The following EPHA7 variants were observed in gnomAD, a reference collection of about 807,000 sequenced individuals.
The protein encoded by EPHA7 is EPH receptor A7.
EPHA7 carries 25 observed loss-of-function variants against 112.6 expected under a neutral mutation model. The ratio of observed to expected loss-of-function variants is 0.22; its 90% CI spans 0.16 to 0.31. The LOEUF (loss-of-function observed/expected upper bound fraction) is 0.31, where lower values mean the gene tolerates loss of function less well. Among genes scored for constraint, EPHA7 ranks in the 10% least tolerant of loss-of-function variants. The pLI, the probability that EPHA7 is intolerant of heterozygous loss-of-function variation, is 1.00. For synonymous variants in EPHA7, 437 were observed against 406.5 expected (o/e 1.07, Z -0.90); for missense variants, 962 against 1,212.6 (o/e 0.79, Z 3.07).
intron 3 of EPHA7, chr6:93,409,772 C>T (rs772160385): frequency 7.3e-5 from 11 of 151,282 alleles, no homozygotes; most frequent in African/African-American, 1.9e-4. Flanking sequence ...AGAAAAAAAA[C>T]GGTTTTATAA....
Position 93,242,380 on chromosome 6 carries a change from C to T in EPHA7, c.*1046G>A, listed in dbSNP as rs950883523. The T allele has an allele frequency of 1.5e-5, 3 of 197,258 alleles. No homozygotes were observed. The allele number at this position is 197,258 out of a possible 1,614,324, so 12.2% of individuals were successfully genotyped here. On this transcript the variant is annotated 3_prime_UTR_variant, in exon 17 of 17. Coordinates refer to ENST00000369303, the MANE Select transcript of EPHA7 (RefSeq NM_004440.4). ...AGTTATAATATAAAACAATTATTTC[C>T]TTTCATGTTTGGACTGCATTCAACA...
intron 3 of EPHA7, among the ~76,000 whole-genome samples, chr6:93,408,691 C>T (rs1454114237): frequency 6.6e-6 from 1 of 152,018 alleles, no homozygotes; most frequent in Non-Finnish European, 1.5e-5. Flanking sequence ...GAGTGCAGAG[C>T]CATAGGTACT....
intron 3 of EPHA7, among the ~76,000 whole-genome samples, chr6:93,408,128 C>A (rs1377599373): frequency 6.6e-6 from 1 of 151,944 alleles, no homozygotes; most frequent in Non-Finnish European, 1.5e-5. Flanking sequence ...TATTTCCTAT[C>A]TTTTCTCAGA....
At chr6:93,320,717 T>C (rs1774027185) in intron 5 of EPHA7, among the ~76,000 whole-genome samples, 1 of 151,966 alleles carries the variant, frequency 6.6e-6, no homozygotes, top group African/African-American at 2.4e-5. Flanking sequence ...TGAAATTTCA[T>C]AAGCATTCAT....
chr6:93,419,154 C>G (rs1356421651), intron 1 of EPHA7, 91 bp downstream of exon 1: 1 of 1,070,662 alleles, frequency 9.3e-7, no homozygotes, highest in Admixed American at 3.6e-5. Context: ...GCGCCGGAGG[C>G]GCGGCCGGCA....
chr6:93,358,459 T>A, intron 3 of EPHA7, 48 bp from the exon 4 acceptor site: 1 of 1,488,958 alleles, frequency 6.7e-7, no homozygotes, highest in Non-Finnish European at 9.0e-7. Flanking sequence ...AGCAAATCGA[T>A]CTTTAAAAAA....
At chr6:93,306,874 TAGA>T (rs963638111) in intron 5 of EPHA7, among the ~76,000 whole-genome samples, 34 of 151,934 alleles carry the variant, frequency 2.2e-4, no homozygotes, top group African/African-American at 8.0e-4. Context: ...CAATTCCCTC[TAGA>T]AGGAGAAAAA....
At position 93,269,481 on chromosome 6, in the gene EPHA7, A is replaced by C. The variant is rs1355331916; in HGVS notation, c.1629T>G (p.Phe543Leu). 1 of 1,610,170 alleles carries C rather than the reference A, an allele frequency of 6.2e-7. No homozygotes were observed. ...CCAAACCAAAGGCATAATTACCTTCAAACATTTTACCTGTAGCTTCCTCTA... is the reference window on the plus strand; with the variant it reads ...CCAAACCAAAGGCATAATTACCTTCCAACATTTTACCTGTAGCTTCCTCTA... Reference protein sequence around the residue: ...ATLEEATGKMFEATAVSSEQN... With the variant: ...ATLEEATGKMLEATAVSSEQN... The change falls in exon 7 of 17, where the codon TTT becomes TTG. Residue 543 changes from phenylalanine (F) to leucine (L), a missense_variant. By Grantham distance (22) the Phe-to-Leu change is conservative. Coordinates refer to ENST00000369303, the MANE Select transcript of EPHA7 (RefSeq NM_004440.4).
chr6:93,298,701 G>T (rs892555771), intron 5 of EPHA7, among the ~76,000 whole-genome samples: 1 of 152,126 alleles, frequency 6.6e-6, no homozygotes, highest in Admixed American at 6.6e-5. Flanking sequence ...CATTGGCAAA[G>T]ATTGAAAACC....
intron 10 of EPHA7, among the ~76,000 whole-genome samples, chr6:93,258,719 A>AATTT (rs1404244312): frequency 1.3e-5 from 2 of 149,308 alleles, no homozygotes; most frequent in Non-Finnish European, 3.0e-5. Context: ...CTACCTACTA[A>AATTT]AGCATGAGGA....
chr6:93,302,436 T>C (rs1773032640), intron 5 of EPHA7, among the ~76,000 whole-genome samples: 1 of 152,042 alleles, frequency 6.6e-6, no homozygotes, highest in Admixed American at 6.6e-5. Context: ...CTAGACCTCA[T>C]CATTACTCTT....
chr6:93,298,784 A>G (rs1002852449), intron 5 of EPHA7, among the ~76,000 whole-genome samples: 3 of 152,318 alleles, frequency 2.0e-5, no homozygotes, highest in Admixed American at 1.3e-4. Context: ...GGCTATCCAC[A>G]ATAAAATTCC....
chr6:93,256,137 T>C (rs1488176449), intron 12 of EPHA7, 100 bp from the exon 13 acceptor site: 2 of 1,004,094 alleles, frequency 2.0e-6, no homozygotes, highest in Non-Finnish European at 2.9e-6. Context: ...TGCTATTGTA[T>C]AATAGGAATT....
intron 14 of EPHA7, among the ~76,000 whole-genome samples, chr6:93,252,723 G>A (rs1251234021): frequency 6.6e-6 from 1 of 151,790 alleles, no homozygotes; most frequent in African/African-American, 2.4e-5. Context: ...CAATTTCACT[G>A]TACAAACTGA....
intron 5 of EPHA7, among the ~76,000 whole-genome samples, chr6:93,285,208 A>G (rs1304508921): frequency 6.6e-6 from 1 of 152,168 alleles, no homozygotes; most frequent in East Asian, 1.9e-4. Context: ...TAGCTTTGCA[A>G]CTTCTATTTT....
chr6:93,254,858 A>G, intron 13 of EPHA7, 62 bp from the exon 14 acceptor site: 1 of 1,347,930 alleles, frequency 7.4e-7, no homozygotes, highest in Non-Finnish European at 1.0e-6. Flanking sequence ...ATTTATGGCA[A>G]TACCATAAAT....
At chr6:93,350,565 A>G (rs1445279608) in intron 5 of EPHA7, among the ~76,000 whole-genome samples, 2 of 152,080 alleles carry the variant, frequency 1.3e-5, no homozygotes, top group Non-Finnish European at 2.9e-5. Context: ...TAGATCATTC[A>G]TCCATACACA....
chr6:93,387,554 T>C (rs771612447), intron 3 of EPHA7, among the ~76,000 whole-genome samples: 2 of 152,088 alleles, frequency 1.3e-5, no homozygotes, highest in Admixed American at 6.6e-5. Context: ...CAACTGACTG[T>C]TTTAGTCTGT....
chr6:93,255,201 A>T (rs895149167), intron 13 of EPHA7, among the ~76,000 whole-genome samples: 12 of 147,040 alleles, frequency 8.2e-5, no homozygotes, highest in African/African-American at 2.7e-4. Flanking sequence ...AAAAAAAATT[A>T]TCCGTGCGTG....
Sources: gnomAD v4.1 joint callset for allele counts (sites outside exome capture counted in the v4.1 genomes callset) on GRCh38, gnomAD v4.1.1 for gene constraint, MANE v1.5 for transcripts, NCBI Gene and HGNC (gene_info 2026-07-23, HGNC 2026-07-21) for gene names.